The following PLPPR1 variants were observed in gnomAD, a reference collection of about 807,000 sequenced individuals.
PLPPR1 encodes the protein phospholipid phosphatase related 1, also known as phospholipid phosphatase-related protein type 1.
In PLPPR1, 10 loss-of-function variants were observed where a neutral mutation model predicts 33.1. The ratio of observed to expected loss-of-function variants is 0.30; its 90% CI spans 0.19 to 0.51. PLPPR1 has a LOEUF of 0.51. Ranked by LOEUF, PLPPR1 falls within the 20% of genes least tolerant of loss-of-function variation. The pLI is 0.97. For missense variants in PLPPR1, 304 were observed against 408.1 expected, an observed-to-expected ratio of 0.74 and a Z score of 2.20; for synonymous variants, 151 against 151.0, an observed-to-expected ratio of 1.00 and a Z score of 0.00.
chr9:101,151,617 T>C (rs1405812313), intron 1 of PLPPR1, among the ~76,000 whole-genome samples: 1 of 152,216 alleles, frequency 6.6e-6, no homozygotes, highest in Non-Finnish European at 1.5e-5. Flanking sequence ...AAGCCTCCTG[T>C]GTGGCAGTAT....
chr9:101,029,255 T>A lies in PLPPR1; in HGVS notation c.-46+153T>A, dbSNP rs985091908. On this transcript the variant is annotated intron_variant, in intron 1 of 7. Coordinates refer to ENST00000374874, the MANE Select transcript of PLPPR1 (RefSeq NM_207299.2). ...GTGCAGATGAAGGCGGCGCTGGGGC[T>A]GTGCAGAGGAGAGGACGAACCCAGG... 2.6e-5 allele frequency among the ~76,000 whole-genome samples: 4 copies of A among 152,310 alleles called. No individual in the cohort carries two copies. The East Asian group carries it at 7.8e-4, about 30-fold the overall frequency.
chr9:101,032,214 C>T (rs1201466314), intron 1 of PLPPR1, among the ~76,000 whole-genome samples: 1 of 151,314 alleles, frequency 6.6e-6, no homozygotes, highest in East Asian at 1.9e-4. Flanking sequence ...ATAAGAACTT[C>T]AATTTTATGG....
At chr9:101,203,834 AT>A (rs899511527) in intron 2 of PLPPR1, among the ~76,000 whole-genome samples, 8 of 147,964 alleles carry the variant, frequency 5.4e-5, no homozygotes, top group Admixed American at 1.4e-4. Context: ...TGATTTGCAA[AT>A]TTTTTTTCTC....
intron 2 of PLPPR1, among the ~76,000 whole-genome samples, chr9:101,245,304 G>A (rs1457939034): frequency 1.3e-5 from 2 of 152,050 alleles, no homozygotes; most frequent in Non-Finnish European, 2.9e-5. Flanking sequence ...GTGCAAGAAT[G>A]TGGATAAGTA....
chr9:101,272,850 G>A (rs1335283049), intron 3 of PLPPR1, among the ~76,000 whole-genome samples: 2 of 152,100 alleles, frequency 1.3e-5, no homozygotes, highest in African/African-American at 4.8e-5. Flanking sequence ...TTTTCTTTCT[G>A]AAGAGCAGTT....
intron 3 of PLPPR1, among the ~76,000 whole-genome samples, chr9:101,285,020 C>T (rs77480919): frequency 0.021 from 3,126 of 152,268 alleles, 44 homozygotes; most frequent in Middle Eastern, 0.088. Context: ...GGGTAAATTA[C>T]CTAAACTTGC....
intron 2 of PLPPR1, among the ~76,000 whole-genome samples, chr9:101,248,498 T>C (rs1827655000): frequency 6.6e-6 from 1 of 152,016 alleles, no homozygotes; most frequent in Non-Finnish European, 1.5e-5. Context: ...TTCAGAAAGT[T>C]TTAAAGAGGA....
intron 1 of PLPPR1, among the ~76,000 whole-genome samples, chr9:101,144,538 G>T (rs1321638530): frequency 6.6e-6 from 1 of 152,124 alleles, no homozygotes; most frequent in Non-Finnish European, 1.5e-5. Context: ...TGAAGACACA[G>T]TGAGAAAGCA....
At chr9:101,237,629 GCATA>G (rs1242273973) in intron 2 of PLPPR1, among the ~76,000 whole-genome samples, 4 of 130,630 alleles carry the variant, frequency 3.1e-5, no homozygotes, top group Non-Finnish European at 6.5e-5. Flanking sequence ...TCCATTGTGT[GCATA>G]TATATATATA....
intron 2 of PLPPR1, among the ~76,000 whole-genome samples, chr9:101,232,904 T>C (rs1039422864): frequency 3.9e-5 from 6 of 152,026 alleles, no homozygotes; most frequent in Non-Finnish European, 8.8e-5. Context: ...CTTTATCTTA[T>C]TAACTTTCTT....
At chr9:101,318,719 T>A (rs924203406) in intron 7 of PLPPR1, among the ~76,000 whole-genome samples, 2 of 151,928 alleles carry the variant, frequency 1.3e-5, no homozygotes, top group Non-Finnish European at 2.9e-5. Flanking sequence ...GACTACAGCG[T>A]GCTGTGATCG....
intron 4 of PLPPR1, among the ~76,000 whole-genome samples, chr9:101,299,774 C>T (rs996267719): frequency 6.6e-6 from 1 of 152,120 alleles, no homozygotes; most frequent in Admixed American, 6.6e-5. Context: ...GTGTTTCTTA[C>T]CCTCAGCACT....
chr9:101,293,716 CGAAAT>C (rs1482302292), intron 4 of PLPPR1, among the ~76,000 whole-genome samples: 3 of 151,912 alleles, frequency 2.0e-5, no homozygotes, highest in African/African-American at 7.3e-5. Flanking sequence ...GGGTACATAA[CGAAAT>C]GAAGGCAGAA....
intron 2 of PLPPR1, among the ~76,000 whole-genome samples, chr9:101,260,327 C>T (rs1827876024): frequency 6.6e-6 from 1 of 152,058 alleles, no homozygotes; most frequent in Non-Finnish European, 1.5e-5. Flanking sequence ...AACTCTTTAG[C>T]AGCAGGGTAA....
intron 1 of PLPPR1, among the ~76,000 whole-genome samples, chr9:101,163,968 A>C (rs574136114): frequency 3.3e-4 from 51 of 152,322 alleles, no homozygotes; most frequent in Non-Finnish European, 6.3e-4. Flanking sequence ...TATTTGTTTG[A>C]AATTATGAAA....
chr9:101,098,273 G>A (rs147967647), intron 1 of PLPPR1, among the ~76,000 whole-genome samples: 6 of 152,180 alleles, frequency 3.9e-5, no homozygotes, highest in Non-Finnish European at 7.4e-5. Flanking sequence ...AATAGCACTC[G>A]TGGACTTGTG....
intron 2 of PLPPR1, among the ~76,000 whole-genome samples, chr9:101,198,322 T>G (rs190305104): frequency 6.6e-6 from 1 of 152,252 alleles, no homozygotes; most frequent in East Asian, 1.9e-4. Context: ...CATGGGGCCT[T>G]AGATCACTTA....
At chr9:101,260,413 G>A (rs1827878012) in intron 2 of PLPPR1, among the ~76,000 whole-genome samples, 1 of 152,154 alleles carries the variant, frequency 6.6e-6, no homozygotes, top group African/African-American at 2.4e-5. Flanking sequence ...GCAGGTGAGA[G>A]AATGTGGAAG....
chr9:101,169,870 TA>T (rs1433679114), intron 1 of PLPPR1, among the ~76,000 whole-genome samples: 1 of 151,922 alleles, frequency 6.6e-6, no homozygotes, highest in Non-Finnish European at 1.5e-5. Flanking sequence ...TATTTTTCAC[TA>T]TTCTTTGGGT....
Sources: gnomAD v4.1 joint callset for allele counts (sites outside exome capture counted in the v4.1 genomes callset) on GRCh38, gnomAD v4.1.1 for gene constraint, MANE v1.5 for transcripts, NCBI Gene and HGNC (gene_info 2026-07-23, HGNC 2026-07-21) for gene names.